TTC19: variants seen among roughly 807,000 people sequenced by gnomAD.
The protein encoded by TTC19 is tetratricopeptide repeat protein 19, mitochondrial.
TTC19 carries 38 observed loss-of-function variants against 49.5 expected under a neutral mutation model. The ratio of observed to expected loss-of-function variants is 0.77; its 90% CI spans 0.59 to 1.01. The LOEUF (loss-of-function observed/expected upper bound fraction) is 1.01. Among genes scored for constraint, TTC19 ranks in the 50% least tolerant of loss-of-function variants. The probability of loss-of-function intolerance (pLI) is 0.00; values close to 1 mark genes in which losing one functional copy is unlikely to be tolerated. For missense variants in TTC19, 475 were observed against 477.7 expected, an observed-to-expected ratio of 0.99 and a Z score of 0.05; for synonymous variants, 204 against 185.2, an observed-to-expected ratio of 1.10 and a Z score of -0.83.
intron 7 of TTC19, among the ~76,000 whole-genome samples, chr17:16,008,103 G>T (rs1417078314): frequency 6.6e-6 from 1 of 152,162 alleles, no homozygotes; most frequent in East Asian, 1.9e-4. Flanking sequence ...GCACGCCTTA[G>T]GGCTGTTTTC....
At chr17:16,033,721 G>C (rs1973075418), downstream of TTC19, among the ~76,000 whole-genome samples, 1 of 152,104 alleles carries the variant, frequency 6.6e-6, no homozygotes, top group South Asian at 2.1e-4. Context: ...TTTACAAATA[G>C]GCACAAAATA....
chr17:16,025,197 G>A (rs972608359), intron 8 of TTC19, 26 bp downstream of exon 8: 3 of 1,608,590 alleles, frequency 1.9e-6, no homozygotes, highest in Middle Eastern at 1.7e-4. Flanking sequence ...ACAGAAGGGG[G>A]AATATAAAAC....
At chr17:16,003,934 A>T in intron 5 of TTC19, 47 bp downstream of exon 5, 1 of 1,595,768 alleles carries the variant, frequency 6.3e-7, no homozygotes, top group Non-Finnish European at 8.6e-7. Context: ...CAGTTTTCAA[A>T]ACAGTCTTGT....
intron 2 of TTC19, chr17:16,035,033 A>C: frequency 7.9e-7 from 1 of 1,265,082 alleles, no homozygotes. Context: ...TAAATGAAAA[A>C]AAAGCAGAAT....
chr17:16,014,617 T>C (rs1347962794), intron 7 of TTC19, among the ~76,000 whole-genome samples: 3 of 152,224 alleles, frequency 2.0e-5, no homozygotes, highest in Non-Finnish European at 4.4e-5. Context: ...AGTGCCAACA[T>C]GATGCATAAA....
At chr17:16,016,352 G>C (rs1971215742) in intron 7 of TTC19, among the ~76,000 whole-genome samples, 1 of 152,128 alleles carries the variant, frequency 6.6e-6, no homozygotes, top group African/African-American at 2.4e-5. Context: ...TGTGTTCAGA[G>C]AACAACTGTG....
At chr17:16,021,602 G>A (rs1413277770) in intron 7 of TTC19, among the ~76,000 whole-genome samples, 1 of 152,078 alleles carries the variant, frequency 6.6e-6, no homozygotes, top group Non-Finnish European at 1.5e-5. Context: ...CCTGGTGAAT[G>A]GGAGAGAATA....
intron 7 of TTC19, among the ~76,000 whole-genome samples, chr17:16,017,328 A>G (rs1597461535): frequency 6.6e-6 from 1 of 151,882 alleles, no homozygotes; most frequent in Admixed American, 6.6e-5. Flanking sequence ...GGGTGCCTAT[A>G]GTCCCAGCTA....
chr17:16,000,489 A>G, intron 2 of TTC19: 1 of 1,139,600 alleles, frequency 8.8e-7, no homozygotes, highest in Non-Finnish European at 1.2e-6. Context: ...CGCCCTAGGC[A>G]TCACGCTTTA....
At chr17:16,015,448 C>A (rs150768879) in intron 7 of TTC19, among the ~76,000 whole-genome samples, 11 of 152,132 alleles carry the variant, frequency 7.2e-5, no homozygotes, top group African/African-American at 1.2e-4. Flanking sequence ...TTACACTACT[C>A]TTACGTATCT....
At chr17:16,038,215 T>G (rs1305405865) in intron 2 of TTC19, among the ~76,000 whole-genome samples, 2 of 152,154 alleles carry the variant, frequency 1.3e-5, no homozygotes, top group African/African-American at 4.8e-5. Flanking sequence ...GCACAAGAGA[T>G]ATTCTCAAAA....
At chr17:16,017,562 C>T (rs182297734) in intron 7 of TTC19, among the ~76,000 whole-genome samples, 58 of 151,550 alleles carry the variant, frequency 3.8e-4, no homozygotes, top group Middle Eastern at 3.4e-3. Context: ...GAGTTCAAGA[C>T]CAGCCTGGCC....
At chr17:16,032,374 T>G, downstream of TTC19, 1 of 1,614,116 alleles carries the variant, frequency 6.2e-7, no homozygotes, top group South Asian at 1.1e-5. Flanking sequence ...TCCTGTTCTG[T>G]TGGTGAGGAG....
chr17:16,026,732 G>C, intron 9 of TTC19, 30 bp downstream of exon 9: 2 of 1,612,464 alleles, frequency 1.2e-6, no homozygotes, highest in Non-Finnish European at 1.7e-6. Context: ...TAACTGACTT[G>C]CTTTAAGGGA....
intron 7 of TTC19, among the ~76,000 whole-genome samples, chr17:16,011,221 C>T (rs1029950065): frequency 1.3e-5 from 2 of 152,176 alleles, no homozygotes; most frequent in African/African-American, 2.4e-5. Context: ...CACTCTGTCA[C>T]CCAGGCTGGA....
At chr17:16,023,922 A>T (rs1971461883) in intron 7 of TTC19, 1 of 152,238 alleles carries the variant, frequency 6.6e-6, no homozygotes, top group African/African-American at 2.4e-5. Context: ...GCTTGATATG[A>T]ACGACAGCTT....
Position 16,025,142 on chromosome 17 carries a change from G to C in TTC19, c.802G>C (p.Glu268Gln). ...GTATGAAAAAGCTCTGCAGATTTCT[G>C]AAGAAATACAAGGAGAAAGACACCC... Reference protein sequence around the residue: ...RMYEKALQISEEIQGERHPQT... With the variant: ...RMYEKALQISQEIQGERHPQT... The change falls in exon 8 of 10, where the codon GAA becomes CAA. Residue 268 changes from glutamate to glutamine, a missense_variant. Transcript: ENST00000261647. The C allele has an allele frequency of 6.2e-7, 1 of 1,613,974 alleles. No homozygotes were observed. The highest frequency in any genetic ancestry group is 1.3e-5 in the African/African-American group (1 of 75,024).
chr17:16,020,676 C>A, intron 7 of TTC19, among the ~76,000 whole-genome samples: 1 of 151,740 alleles, frequency 6.6e-6, no homozygotes, highest in East Asian at 1.9e-4. Context: ...CCACTACCCC[C>A]CACCCCCCAA....
chr17:16,000,467 A>C, intron 2 of TTC19: 1 of 1,333,656 alleles, frequency 7.5e-7, no homozygotes, highest in Non-Finnish European at 9.8e-7. Context: ...TGTCAAGTGC[A>C]AATGGAGATG....
Sources: gnomAD v4.1 joint callset for allele counts (sites outside exome capture counted in the v4.1 genomes callset) on GRCh38, gnomAD v4.1.1 for gene constraint, MANE v1.5 for transcripts, NCBI Gene and HGNC (gene_info 2026-07-23, HGNC 2026-07-21) for gene names.